NCR2: variants seen among roughly 807,000 people sequenced by gnomAD.
NCR2 encodes natural cytotoxicity triggering receptor 2.
Under a neutral mutation model 30.7 loss-of-function variants are expected in NCR2, and 35 were observed. That is an observed-to-expected ratio of 1.14 (90% CI 0.87 to 1.51). The LOEUF (loss-of-function observed/expected upper bound fraction) is 1.51. Ranked by LOEUF, NCR2 falls within the 40% of genes most tolerant of loss-of-function variation. The pLI is 0.00. For synonymous variants in NCR2, 146 were observed against 134.8 expected (o/e 1.08, Z -0.58); for missense variants, 316 against 328.9 (o/e 0.96, Z 0.30).
intron 3 of NCR2, 32 bp from the exon 4 acceptor site, chr6:41,342,004 T>C (rs1429021926): frequency 6.2e-7 from 1 of 1,613,646 alleles, no homozygotes; most frequent in Non-Finnish European, 8.5e-7. Flanking sequence ...CCCCAGCCCG[T>C]CCTCTCCCCT....
chr6:41,336,013 C>T, intron 1 of NCR2, 74 bp from the exon 2 acceptor site: 1 of 1,587,362 alleles, frequency 6.3e-7, no homozygotes, highest in Non-Finnish European at 8.6e-7. Context: ...GCAGGTGGCT[C>T]TGTGGCCAGA....
intron 4 of NCR2, among the ~76,000 whole-genome samples, chr6:41,344,898 A>G (rs1769265381): frequency 6.6e-6 from 1 of 152,066 alleles, no homozygotes; most frequent in South Asian, 2.1e-4. Context: ...TCTCTTTCAC[A>G]GCTCTGTTTC....
intron 4 of NCR2, among the ~76,000 whole-genome samples, chr6:41,342,399 CCTCT>C (rs1323685100): frequency 3.3e-5 from 5 of 151,384 alleles, no homozygotes; most frequent in African/African-American, 9.7e-5. Flanking sequence ...TCTCTCTCTC[CCTCT>C]CTCTCTCTTT....
In NCR2 at chr6:41,336,280, A is replaced by G. The variant is rs1769024698; in HGVS notation, c.246A>G (p.Thr82=). 1.2e-6 allele frequency: 2 copies of G among 1,614,024 alleles called. No homozygotes were observed. Among genetic ancestry groups the G allele is most frequent in the Non-Finnish European group, 1.7e-6 (2 of 1,180,034 alleles). The change falls in exon 2 of 5, where the codon ACA becomes ACG. Residue 82 remains threonine, a synonymous_variant. Transcript: ENST00000373089. ...PRTMAWTSRF[T]IWDDPDAGFF... ...CGATGGCTTGGACCTCTCGATTCAC[A>G]ATCTGGGACGACCCTGATGCTGGCT...
intron 2 of NCR2, among the ~76,000 whole-genome samples, chr6:41,341,157 C>T (rs375192195): frequency 2.6e-5 from 4 of 152,278 alleles, no homozygotes; most frequent in African/African-American, 9.6e-5. Context: ...CCTTTTCGAC[C>T]TCAACAGTCC....
At chr6:41,344,983 G>A (rs564732096) in intron 4 of NCR2, among the ~76,000 whole-genome samples, 1 of 152,196 alleles carries the variant, frequency 6.6e-6, no homozygotes, top group African/African-American at 2.4e-5. Context: ...AACTGGAACA[G>A]AGCAAAGGGG....
At position 41,341,827 on chromosome 6, in the gene NCR2, G is replaced by A. The variant is rs142832518; in HGVS notation, c.428G>A (p.Arg143His). The A allele has an allele frequency of 7.1e-5, 114 of 1,612,614 alleles. No individual in the cohort carries two copies. The highest frequency in any genetic ancestry group is 6.9e-4 in the African/African-American group (52 of 74,932). The stretch of plus-strand genomic sequence containing the variant: ...TCCACACAGACCTCCTGGACTCCCC[G>A]CGACCTGGTCTCTTCACAGACCCAG... ...SASTQTSWTP[R>H]DLVSSQTQTQ... Residue 143 changes from arginine to histidine, a missense_variant, in exon 3 of 5, where the codon CGC becomes CAC. Arg to His is a conservative substitution (Grantham distance 29, BLOSUM62 0). Coordinates refer to ENST00000373089, the MANE Select transcript of NCR2 (RefSeq NM_004828.4).
intron 4 of NCR2, among the ~76,000 whole-genome samples, chr6:41,347,485 C>A (rs1217775701): frequency 6.6e-6 from 1 of 152,224 alleles, no homozygotes; most frequent in Non-Finnish European, 1.5e-5. Flanking sequence ...CCTTGAAACA[C>A]CTCCAGTGAG....
chr6:41,342,982 C>A, intron 4 of NCR2: 1 of 1,550,584 alleles, frequency 6.4e-7, no homozygotes, highest in Non-Finnish European at 8.7e-7. Flanking sequence ...TCAGCCCAGG[C>A]CCCAGGCCCA....
intron 2 of NCR2, among the ~76,000 whole-genome samples, chr6:41,339,052 T>C (rs1769102539): frequency 6.6e-6 from 1 of 152,242 alleles, no homozygotes; most frequent in African/African-American, 2.4e-5. Context: ...TATATGTATA[T>C]GCCACTTGTT....
chr6:41,343,212 T>C (rs1236761894), intron 4 of NCR2, among the ~76,000 whole-genome samples: 3 of 152,250 alleles, frequency 2.0e-5, no homozygotes, highest in Admixed American at 6.5e-5. Context: ...CAGCACCCCG[T>C]TGTGGGAGCA....
chr6:41,347,886 G>C (rs900601485), intron 4 of NCR2, among the ~76,000 whole-genome samples: 1 of 152,162 alleles, frequency 6.6e-6, no homozygotes, highest in Non-Finnish European at 1.5e-5. Context: ...ATCCTCATGT[G>C]GTTGCTCGCA....
At chr6:41,337,099 C>T (rs80294988) in intron 2 of NCR2, among the ~76,000 whole-genome samples, 1 of 152,046 alleles carries the variant, frequency 6.6e-6, no homozygotes, top group Non-Finnish European at 1.5e-5. Flanking sequence ...CAAACTCCTG[C>T]TCAGAGCAGA....
intron 4 of NCR2, chr6:41,342,931 C>T (rs148148023): frequency 1.5e-5 from 23 of 1,550,478 alleles, no homozygotes; most frequent in East Asian, 1.5e-4. Context: ...TTTAAGGAAT[C>T]GGCACATGCA....
chr6:41,346,561 T>C (rs1427526643), intron 4 of NCR2, among the ~76,000 whole-genome samples: 1 of 152,106 alleles, frequency 6.6e-6, no homozygotes, highest in Non-Finnish European at 1.5e-5. Flanking sequence ...TTTATTGAAC[T>C]CCTCTGGGAA....
chr6:41,342,035 G>A lies in NCR2; in HGVS notation c.531-1G>A, dbSNP rs1227320089. 1.9e-6 allele frequency: 3 copies of A among 1,613,974 alleles called. No homozygotes were observed. The highest frequency in any genetic ancestry group is 2.5e-6 in the Non-Finnish European group (3 of 1,180,020). On this transcript the variant is annotated splice_acceptor_variant, in intron 3 of 4. Transcript: ENST00000373089. LOFTEE classifies it high-confidence loss of function. ...CCCCTTCCTGTCCCTCTGCCTTCCAGGCCACAGAACTCCACGCTCCGCCCT... is the reference window on the plus strand; with the variant it reads ...CCCCTTCCTGTCCCTCTGCCTTCCAAGCCACAGAACTCCACGCTCCGCCCT...
At chr6:41,343,138 G>A (rs921623621) in intron 4 of NCR2, 17 of 859,794 alleles carry the variant, frequency 2.0e-5, no homozygotes, top group Middle Eastern at 3.4e-4. Context: ...CTTTAGCCAC[G>A]CTCTCCCTGC....
chr6:41,340,041 T>G (rs1271090742), intron 2 of NCR2, among the ~76,000 whole-genome samples: 1 of 152,198 alleles, frequency 6.6e-6, no homozygotes, highest in African/African-American at 2.4e-5. Flanking sequence ...CTCTAAATTT[T>G]GTTTAAAAAA....
intron 4 of NCR2, chr6:41,342,893 C>A: frequency 6.5e-7 from 1 of 1,541,242 alleles, no homozygotes; most frequent in Non-Finnish European, 8.8e-7. Context: ...CAAGTCACTT[C>A]ATGTATTTCT....
Sources: allele counts gnomAD v4.1 joint callset (sites outside exome capture counted in the v4.1 genomes callset), GRCh38; gene constraint gnomAD v4.1.1; transcripts MANE v1.5; gene names NCBI Gene and HGNC (gene_info 2026-07-23, HGNC 2026-07-21).